The following BCL11B variants were observed in gnomAD, a reference collection of about 807,000 sequenced individuals.
BCL11B encodes BCL11 transcription factor B.
Under a neutral mutation model 49.9 loss-of-function variants are expected in BCL11B, and 8 were observed. The ratio of observed to expected loss-of-function variants is 0.16; its 90% CI spans 0.09 to 0.29. The LOEUF is 0.29. Among genes scored for constraint, BCL11B ranks in the 10% least tolerant of loss-of-function variants. The probability of loss-of-function intolerance (pLI) is 1.00; values close to 1 mark genes in which losing one functional copy is unlikely to be tolerated. For missense variants in BCL11B, 1,006 were observed against 1,351.0 expected (o/e 0.74, Z 4.00); for synonymous variants, 739 against 637.4 (o/e 1.16, Z -2.40).
intron 3 of BCL11B, among the ~76,000 whole-genome samples, chr14:99,209,567 G>A (rs988948827): frequency 2.6e-5 from 4 of 152,182 alleles, no homozygotes; most frequent in African/African-American, 9.6e-5. Context: ...CCTCAGCAAG[G>A]TGCCACAGGG....
At chr14:99,181,953 T>A (rs772854736) in intron 3 of BCL11B, among the ~76,000 whole-genome samples, 4 of 152,186 alleles carry the variant, frequency 2.6e-5, no homozygotes, top group African/African-American at 4.8e-5. Flanking sequence ...GTGTTATCCC[T>A]CAGATGTGTA....
intron 3 of BCL11B, among the ~76,000 whole-genome samples, chr14:99,217,222 A>G (rs1179931996): frequency 6.6e-6 from 1 of 152,206 alleles, no homozygotes; most frequent in Non-Finnish European, 1.5e-5. Context: ...ATACACTCAG[A>G]CATGTACACA....
At chr14:99,182,994 G>C (rs1033503326) in intron 3 of BCL11B, among the ~76,000 whole-genome samples, 4 of 152,204 alleles carry the variant, frequency 2.6e-5, no homozygotes, top group African/African-American at 9.7e-5. Context: ...TGAACAAACA[G>C]GATCTGGGCC....
At chr14:99,209,588 C>T (rs578120164) in intron 3 of BCL11B, among the ~76,000 whole-genome samples, 1 of 152,276 alleles carries the variant, frequency 6.6e-6, no homozygotes, top group Admixed American at 6.5e-5. Context: ...ATGCAGGATC[C>T]AGCCCCTGGG....
Position 99,257,785 on chromosome 14 carries a change from A to G in BCL11B, c.113T>C (p.Ile38Thr), listed in dbSNP as rs1236548020. The change falls in exon 2 of 4, where the codon ATA (isoleucine) becomes ACA (threonine). Residue 38 changes from isoleucine to threonine, a missense_variant. Coordinates refer to ENST00000357195, the MANE Select transcript of BCL11B (RefSeq NM_138576.4). The surrounding 1 kb of genome is among the most constrained non-coding windows in gnomAD (Gnocchi z 6.2). ...AILEEDEGLE[I>T]EEPSGLGLMV... ...CAGCCCCAGGCCACTTGGCTCCTCT[A>G]TCTCCAGACCCTCGTCTTCTTCGAG... 1 of 1,590,496 alleles carries G rather than the reference A, an allele frequency of 6.3e-7. No individual in the cohort carries two copies. The highest frequency in any genetic ancestry group is 8.6e-7 in the Non-Finnish European group (1 of 1,165,760).
intron 3 of BCL11B, among the ~76,000 whole-genome samples, chr14:99,226,854 A>G (rs925139684): frequency 6.6e-6 from 1 of 152,240 alleles, no homozygotes; most frequent in Non-Finnish European, 1.5e-5. Context: ...ACCCATGCCA[A>G]GAAACCCCAG....
At position 99,248,261 on chromosome 14, in the gene BCL11B, G is replaced by A. The variant is rs952049226; in HGVS notation, c.427+9210C>T. On this transcript the variant is annotated intron_variant, in intron 2 of 3. Coordinates refer to ENST00000357195, the MANE Select transcript of BCL11B (RefSeq NM_138576.4). The surrounding 1 kb of genome is among the most constrained non-coding windows in gnomAD (Gnocchi z 4.7). ...AAAACCAGCGGACCAGCAAGAAGGC[G>A]TCAAGAAAACTCAAAAACAAAATAA... Among the ~76,000 whole-genome samples the A allele has an allele frequency of 2.6e-5, 4 of 152,118 alleles. No individual in the cohort carries two copies. Among genetic ancestry groups the A allele is most frequent in the Non-Finnish European group, 4.4e-5 (3 of 68,032 alleles).
At chr14:99,256,592 AAAC>A (rs1164210885) in intron 2 of BCL11B, among the ~76,000 whole-genome samples, 2 of 152,140 alleles carry the variant, frequency 1.3e-5, no homozygotes, top group Non-Finnish European at 2.9e-5. Flanking sequence ...AACCAGAAAC[AAAC>A]ACTCTGGTTT....
At position 99,175,671 on chromosome 14, in the gene BCL11B, G is replaced by A; in HGVS notation, c.1165C>T (p.His389Tyr). The change falls in exon 4 of 4, where the codon CAC (histidine) becomes TAC (tyrosine). Residue 389 changes from histidine to tyrosine, a missense_variant. Physicochemically the swap from His to Tyr is moderately conservative, Grantham distance 83. This residue lies in a region of BCL11B where 97 missense variants were observed against 81.5 expected (regional missense o/e 1.19). Coordinates refer to ENST00000357195, the MANE Select transcript of BCL11B (RefSeq NM_138576.4). ...PVSPGRGNPM[H>Y]RLLNPFQPSP... is the part of the protein sequence containing the mutation. ...GGCTGGAAGGGGTTCAGGAGCCGGT[G>A]CATAGGGTTGCCGCGGCCCGGGGAC... The A allele has an allele frequency of 6.5e-7, 1 of 1,549,164 alleles. No individual in the cohort carries two copies. Among genetic ancestry groups the A allele is most frequent in the African/African-American group, 1.4e-5 (1 of 71,034 alleles).
At chr14:99,227,586 C>A (rs1277675161) in intron 3 of BCL11B, among the ~76,000 whole-genome samples, 1 of 152,208 alleles carries the variant, frequency 6.6e-6, no homozygotes, top group African/African-American at 2.4e-5. Context: ...GGAAACCTAG[C>A]TAGCCCCATG....
At chr14:99,223,817 G>A (rs577619118) in intron 3 of BCL11B, among the ~76,000 whole-genome samples, 1 of 152,336 alleles carries the variant, frequency 6.6e-6, no homozygotes, top group African/African-American at 2.4e-5. Flanking sequence ...GCGACCACAA[G>A]GACAAGCTGT....
At chr14:99,181,739 G>C (rs1157013290) in intron 3 of BCL11B, among the ~76,000 whole-genome samples, 1 of 152,180 alleles carries the variant, frequency 6.6e-6, no homozygotes, top group Non-Finnish European at 1.5e-5. Flanking sequence ...GGGACCTCGT[G>C]AGGTAGACAC....
rs555173758 is a variant in BCL11B, at chr14:99,202,969, G to A, written c.641-26774C>T. ...CCAAGTGCTCTGGGGTCGGACAGCC[G>A]GTGAAAAGCTGTTTCCACTAAGAAA... On this transcript the variant is annotated intron_variant, in intron 3 of 3. Transcript: ENST00000357195. 5.8e-4 allele frequency among the ~76,000 whole-genome samples: 88 copies of A among 152,306 alleles called. 1 individual carries two copies. Among genetic ancestry groups the A allele is most frequent in the African/African-American group, 1.9e-3 (79 of 41,570 alleles).
intron 3 of BCL11B, among the ~76,000 whole-genome samples, chr14:99,226,891 A>C (rs913658248): frequency 6.6e-6 from 1 of 152,194 alleles, no homozygotes; most frequent in Non-Finnish European, 1.5e-5. Flanking sequence ...AGCAAGCACA[A>C]TTTCAGTAGA....
chr14:99,186,264 T>C (rs1886849892), intron 3 of BCL11B, among the ~76,000 whole-genome samples: 1 of 152,230 alleles, frequency 6.6e-6, no homozygotes, highest in Non-Finnish European at 1.5e-5. Flanking sequence ...CTCACGCCTG[T>C]AATCCCAGCA....
At chr14:99,197,798 C>A (rs999203016) in intron 3 of BCL11B, among the ~76,000 whole-genome samples, 3 of 152,166 alleles carry the variant, frequency 2.0e-5, no homozygotes, top group African/African-American at 7.2e-5. Flanking sequence ...CAGCTGCGTG[C>A]GAGGGAGACA....
At chr14:99,199,957 C>T (rs1470512370) in intron 3 of BCL11B, among the ~76,000 whole-genome samples, 1 of 151,492 alleles carries the variant, frequency 6.6e-6, no homozygotes, top group Non-Finnish European at 1.5e-5. Context: ...AATAATACAG[C>T]GTGCCTGGGA....
At position 99,174,846 on chromosome 14, in the gene BCL11B, G is replaced by A. The variant is rs774326484; in HGVS notation, c.1990C>T (p.Pro664Ser). The A allele has an allele frequency of 1.6e-6, 2 of 1,277,838 alleles. No individual in the cohort carries two copies. Among genetic ancestry groups the A allele is most frequent in the Admixed American group, 7.2e-5 (2 of 27,714 alleles). 79.2% of individuals were successfully genotyped at this position (1,277,838 alleles called of 1,614,324 possible). The part of the protein sequence containing the change: ...RGGGFAPGTE[P>S]FPGLFPRKPA... ...TTGCGCGGGAAGAGCCCGGGGAAGGGCTCGGTGCCTGGCGCGAAGCCGCCC... is the reference window on the plus strand; with the variant it reads ...TTGCGCGGGAAGAGCCCGGGGAAGGACTCGGTGCCTGGCGCGAAGCCGCCC... Residue 664 changes from proline (P) to serine (S), a missense_variant, in exon 4 of 4, where the codon CCC (proline) becomes TCC (serine). Pro to Ser is a moderately conservative substitution (Grantham distance 74). This residue lies in a region of BCL11B where 443 missense variants were observed against 499.7 expected (regional missense o/e 0.89). Transcript: ENST00000357195.
rs575197692 is a variant in BCL11B, at chr14:99,200,008, CA to C, written c.641-23814del. 1.6e-4 allele frequency among the ~76,000 whole-genome samples: 25 copies of C among 151,912 alleles called. No homozygotes were observed. The South Asian group carries it at 4.8e-3, about 29-fold the overall frequency. ...TCACCAGTTCTGTTTCCCCAAATCC[CA>C]AGATATGAGAGTCTATTTCTTGTGA... On this transcript the variant is annotated intron_variant, in intron 3 of 3. Transcript: ENST00000357195.
Sources: gnomAD v4.1 joint callset for allele counts (sites outside exome capture counted in the v4.1 genomes callset) on GRCh38, gnomAD v4.1.1 for gene constraint, gnomAD v4.1.1 regional missense constraint, Gnocchi (gnomAD v3.1) non-coding constraint, MANE v1.5 for transcripts, NCBI Gene and HGNC (gene_info 2026-07-23, HGNC 2026-07-21) for gene names.